PCDH17: variants seen among roughly 807,000 people sequenced by gnomAD.
PCDH17 encodes protocadherin-17.
Under a neutral mutation model 67.7 loss-of-function variants are expected in PCDH17, and 21 were observed. The observed-to-expected ratio is 0.31, with a 90% CI of 0.22 to 0.45. PCDH17 has a LOEUF of 0.45. Ranked by LOEUF, PCDH17 falls within the 20% of genes least tolerant of loss-of-function variation. PCDH17 has a pLI of 1.00. For synonymous variants in PCDH17, 701 were observed against 656.7 expected, an observed-to-expected ratio of 1.07 and a Z score of -1.03; for missense variants, 1,471 against 1,564.8, an observed-to-expected ratio of 0.94 and a Z score of 1.01.
chr13:57,648,131 A>AT (rs1473667108), intron 1 of PCDH17, among the ~76,000 whole-genome samples: 1 of 151,802 alleles, frequency 6.6e-6, no homozygotes, highest in Non-Finnish European at 1.5e-5. Context: ...TACAGTTTGG[A>AT]TTTTTTTGGT....
intron 1 of PCDH17, among the ~76,000 whole-genome samples, chr13:57,654,988 G>T (rs1037299381): frequency 1.3e-5 from 2 of 151,792 alleles, no homozygotes; most frequent in African/African-American, 4.8e-5. Context: ...GAAGGTTGGG[G>T]ATTTCAAAAT....
intron 1 of PCDH17, among the ~76,000 whole-genome samples, chr13:57,651,964 A>G (rs1288714952): frequency 6.6e-6 from 1 of 152,204 alleles, no homozygotes; most frequent in African/African-American, 2.4e-5. Flanking sequence ...AAGCAGTTGC[A>G]TAAGAACAGA....
intron 3 of PCDH17, among the ~76,000 whole-genome samples, chr13:57,681,999 G>T (rs1475993132): frequency 6.6e-6 from 1 of 151,694 alleles, no homozygotes; most frequent in African/African-American, 2.4e-5. Flanking sequence ...AGATTTCACA[G>T]TTCTCTAGGT....
rs1455881605 is a variant in PCDH17, at chr13:57,634,584, A to G, written c.2038A>G (p.Ile680Val). Residue 680 changes from isoleucine to valine, a missense_variant, in exon 1 of 4, where the codon ATC (isoleucine) becomes GTC (valine). Coordinates refer to ENST00000377918, the MANE Select transcript of PCDH17 (RefSeq NM_001040429.3). The surrounding 1 kb of genome is among the most constrained non-coding windows in gnomAD (Gnocchi z 7.8). The stretch of plus-strand genomic sequence containing the variant: ...TACCCTGTCCGCAGTGGCCAAGCTC[A>G]TCATCCGCTCGGTGAGCGGATCCCT... Reference protein sequence around the residue: ...KPTLSAVAKLIIRSVSGSLPE... With the variant: ...KPTLSAVAKLVIRSVSGSLPE... 1.2e-5 allele frequency: 20 copies of G among 1,608,954 alleles called. No homozygotes were observed. The highest frequency in any genetic ancestry group is 1.6e-5 in the Non-Finnish European group (19 of 1,176,000).
chr13:57,682,216 A>G lies in PCDH17; in HGVS notation c.2797+15383A>G, dbSNP rs191191541. ...TCCAGTTAGAAACAAAGGAATTACT[A>G]TTTCCTTTCTCTTCCTCATGCTAAC... On this transcript the variant is annotated intron_variant, in intron 3 of 3. Transcript: ENST00000377918. 4.6e-5 allele frequency among the ~76,000 whole-genome samples: 7 copies of G among 151,734 alleles called. No individual in the cohort carries two copies. In the East Asian group the frequency reaches 1.2e-3, roughly 25 times the overall value.
At position 57,725,377 on chromosome 13, in the gene PCDH17, T is replaced by A; in HGVS notation, c.*83T>A. ...GATCCCTCCTGGTGATAACCCATTT[T>A]ACAGGGATGAAGAAAGACCAATGCT... On this transcript the variant is annotated 3_prime_UTR_variant, in exon 4 of 4. Coordinates refer to ENST00000377918, the MANE Select transcript of PCDH17 (RefSeq NM_001040429.3). 8.0e-7 allele frequency: 1 copy of A among 1,251,660 alleles called. No homozygotes were observed. The highest frequency in any genetic ancestry group is 1.1e-6 in the Non-Finnish European group (1 of 901,118). The allele number at this position is 1,251,660 out of a possible 1,614,324, so 77.5% of individuals were successfully genotyped here. A position where few individuals can be genotyped will look rare whatever the true frequency, so the allele number is the denominator to read the frequency against.
Position 57,728,716 on chromosome 13 carries a change from C to G in PCDH17, c.*3422C>G, listed in dbSNP as rs911654256. On this transcript the variant is annotated 3_prime_UTR_variant, in exon 4 of 4. Coordinates refer to ENST00000377918, the MANE Select transcript of PCDH17 (RefSeq NM_001040429.3). Reference sequence around the variant, plus strand: ...GCAATATACAAAGATTGGCTCACTACTCCATAGGTTAATTGAATTCCTGGT... The same window carrying G: ...GCAATATACAAAGATTGGCTCACTAGTCCATAGGTTAATTGAATTCCTGGT... 6.6e-6 allele frequency: 1 copy of G among 152,028 alleles called. No homozygotes were observed. The highest frequency in any genetic ancestry group is 1.5e-5 in the Non-Finnish European group (1 of 67,954). The allele number at this position is 152,028 out of a possible 1,614,324, so 9.4% of individuals were successfully genotyped here.
In PCDH17 at chr13:57,660,396, T is replaced by G. The variant is rs138265759; in HGVS notation, c.2566-6072T>G. On this transcript the variant is annotated intron_variant, in intron 1 of 3. Coordinates refer to ENST00000377918, the MANE Select transcript of PCDH17 (RefSeq NM_001040429.3). ...TTTCAGAAATTGGCTCAGTATCATT[T>G]TAAAAGACAAGTTCAGAAACACTCT... 3.4e-3 allele frequency among the ~76,000 whole-genome samples: 525 copies of G among 152,312 alleles called. 3 individuals carry two copies. The highest frequency in any genetic ancestry group is 0.012 in the African/African-American group (492 of 41,570).
At chr13:57,646,259 C>T (rs888975412) in intron 1 of PCDH17, among the ~76,000 whole-genome samples, 21 of 151,364 alleles carry the variant, frequency 1.4e-4, no homozygotes, top group Non-Finnish European at 2.1e-4. Context: ...GCAAGCTAAG[C>T]CTTCATATAA....
At chr13:57,654,891 T>C (rs1673148380) in intron 1 of PCDH17, among the ~76,000 whole-genome samples, 1 of 151,992 alleles carries the variant, frequency 6.6e-6, no homozygotes. Flanking sequence ...AATTTGGAAA[T>C]ATCTTTTCCT....
chr13:57,717,240 T>C (rs1955825915), intron 3 of PCDH17, among the ~76,000 whole-genome samples: 1 of 151,962 alleles, frequency 6.6e-6, no homozygotes, highest in Non-Finnish European at 1.5e-5. Flanking sequence ...AGTGTTGATC[T>C]CAGTGGCATG....
At chr13:57,722,869 A>G (rs1433177319) in intron 3 of PCDH17, among the ~76,000 whole-genome samples, 1 of 152,110 alleles carries the variant, frequency 6.6e-6, no homozygotes, top group Non-Finnish European at 1.5e-5. Flanking sequence ...TCAGACTCCC[A>G]AAGTGCTGGG....
chr13:57,632,843 T>C lies in PCDH17; in HGVS notation c.297T>C (p.Asn99=), dbSNP rs577349902. ...ACCGCGAGTCCCTGTGCCGCCACAA[T>C]GCCAAGTGCCAGCTGTCCCTCGAGG... ...RIDRESLCRH[N]AKCQLSLEVF... The change falls in exon 1 of 4, where the codon AAT becomes AAC. Residue 99 remains asparagine, a synonymous_variant. Coordinates refer to ENST00000377918, the MANE Select transcript of PCDH17 (RefSeq NM_001040429.3). 2.5e-6 allele frequency: 4 copies of C among 1,613,852 alleles called. No homozygotes were observed. The African/African-American group carries it at 4.0e-5, about 16-fold the overall frequency.
intron 3 of PCDH17, among the ~76,000 whole-genome samples, chr13:57,720,392 G>T (rs1262640909): frequency 2.0e-5 from 3 of 151,890 alleles, no homozygotes; most frequent in Non-Finnish European, 4.4e-5. Context: ...TTGCTTATTG[G>T]TGCTTTTAGT....
chr13:57,645,457 C>A (rs1375471871), intron 1 of PCDH17, among the ~76,000 whole-genome samples: 1 of 151,474 alleles, frequency 6.6e-6, no homozygotes, highest in African/African-American at 2.4e-5. Context: ...AGGCTAAAGT[C>A]TAAGATATTA....
chr13:57,705,506 A>C (rs1240230165), intron 3 of PCDH17, among the ~76,000 whole-genome samples: 2 of 152,126 alleles, frequency 1.3e-5, no homozygotes, highest in Non-Finnish European at 2.9e-5. Flanking sequence ...CTTACAGAAG[A>C]AGATCTCTTT....
chr13:57,716,699 CCAAT>C (rs1955819552), intron 3 of PCDH17, among the ~76,000 whole-genome samples: 1 of 151,852 alleles, frequency 6.6e-6, no homozygotes, highest in South Asian at 2.1e-4. Flanking sequence ...TTTTTAGTTT[CCAAT>C]CAAAGTTTAA....
chr13:57,693,737 A>G (rs570522872), intron 3 of PCDH17, among the ~76,000 whole-genome samples: 1 of 151,094 alleles, frequency 6.6e-6, no homozygotes, highest in South Asian at 2.1e-4. Flanking sequence ...TTTTCTAATT[A>G]TATAGGTCTT....
chr13:57,689,552 C>T (rs1188736418), intron 3 of PCDH17, among the ~76,000 whole-genome samples: 1 of 151,870 alleles, frequency 6.6e-6, no homozygotes, highest in African/African-American at 2.4e-5. Context: ...CAGTAAAGTA[C>T]CAAACATTCA....
Sources: allele counts gnomAD v4.1 joint callset (sites outside exome capture counted in the v4.1 genomes callset), GRCh38; gene constraint gnomAD v4.1.1; non-coding constraint Gnocchi (gnomAD v3.1); transcripts MANE v1.5; gene names NCBI Gene and HGNC (gene_info 2026-07-23, HGNC 2026-07-21).